STPG2: variants seen among roughly 807,000 people sequenced by gnomAD.
STPG2 encodes the protein sperm tail PG-rich repeat containing 2.
A neutral mutation model predicts 54.2 loss-of-function variants in STPG2; 56 were observed. The observed-to-expected ratio is 1.03, with a 90% CI of 0.83 to 1.29. The LOEUF (loss-of-function observed/expected upper bound fraction) is 1.29. Among genes scored for constraint, STPG2 ranks in the 50% most tolerant of loss-of-function variants. The probability of loss-of-function intolerance (pLI) is 0.00; values close to 1 mark genes in which losing one functional copy is unlikely to be tolerated. For missense variants in STPG2, 596 were observed against 544.9 expected (o/e 1.09, Z -0.93); for synonymous variants, 200 against 181.8 (o/e 1.10, Z -0.81).
chr4:97,598,076 A>G (rs989722709), intron 10 of STPG2, among the ~76,000 whole-genome samples: 2 of 152,162 alleles, frequency 1.3e-5, no homozygotes, highest in Non-Finnish European at 2.9e-5. Flanking sequence ...AATCAGTAGC[A>G]TTCTCATACA....
intron 4 of STPG2, among the ~76,000 whole-genome samples, chr4:97,477,660 T>TTTTTTTC (rs1730110262): frequency 6.6e-6 from 1 of 151,296 alleles, no homozygotes; most frequent in South Asian, 2.1e-4. Flanking sequence ...TTTTTTTTCT[T>TTTTTTTC]TTTGTATTTT....
At chr4:97,948,674 A>C (rs1298239050) in intron 7 of STPG2, among the ~76,000 whole-genome samples, 1 of 152,088 alleles carries the variant, frequency 6.6e-6, no homozygotes, top group Non-Finnish European at 1.5e-5. Context: ...TTAACACAAA[A>C]ATCATTCAGG....
intron 5 of STPG2, among the ~76,000 whole-genome samples, chr4:98,071,061 A>C (rs1414588314): frequency 6.7e-6 from 1 of 149,484 alleles, no homozygotes; most frequent in Non-Finnish European, 1.5e-5. Flanking sequence ...AATTAGAAGA[A>C]ACTATTTCAA....
rs191706791 is a variant in STPG2, at chr4:97,959,918, C to A, written c.933+12362G>T. On this transcript the variant is annotated intron_variant, in intron 7 of 10. Transcript: ENST00000295268. ...AAAAAAGAAAACTACAAATGGATAT[C>A]CCTGATGAACATAGATGTAAAAATC... is the stretch of plus-strand genomic sequence containing the variant. 3.6e-3 allele frequency among the ~76,000 whole-genome samples: 541 copies of A among 152,170 alleles called. 7 individuals carry two copies. The highest frequency in any genetic ancestry group is 6.7e-3 in the Non-Finnish European group (457 of 67,958).
chr4:97,998,553 T>G (rs748017500), intron 5 of STPG2, among the ~76,000 whole-genome samples: 3 of 152,202 alleles, frequency 2.0e-5, no homozygotes, highest in Non-Finnish European at 4.4e-5. Context: ...CCAGTAAGTT[T>G]GGAATCAGCA....
At chr4:97,864,309 C>CAAACAGAG (rs1729678008) in intron 8 of STPG2, among the ~76,000 whole-genome samples, 8 of 150,554 alleles carry the variant, frequency 5.3e-5, no homozygotes, top group Admixed American at 1.3e-4. Flanking sequence ...CAATAACAGA[C>CAAACAGAG]AGCCAAATCA....
At chr4:97,924,544 G>C (rs971590210) in intron 8 of STPG2, among the ~76,000 whole-genome samples, 1 of 152,132 alleles carries the variant, frequency 6.6e-6, no homozygotes, top group Non-Finnish European at 1.5e-5. Context: ...TGTAAATCCA[G>C]CATTAAAGAT....
intron 9 of STPG2, among the ~76,000 whole-genome samples, chr4:97,734,103 T>G (rs973098230): frequency 3.3e-5 from 5 of 152,214 alleles, no homozygotes; most frequent in African/African-American, 4.8e-5. Flanking sequence ...ATAAAAAGCT[T>G]TCAGCATTTC....
At chr4:97,546,695 A>C (rs1731841112) in intron 4 of STPG2, among the ~76,000 whole-genome samples, 1 of 152,204 alleles carries the variant, frequency 6.6e-6, no homozygotes, top group Admixed American at 6.5e-5. Context: ...TCATGAACCA[A>C]ATCTTATAAA....
At chr4:97,963,859 T>A (rs1334703301) in intron 7 of STPG2, among the ~76,000 whole-genome samples, 2 of 152,024 alleles carry the variant, frequency 1.3e-5, no homozygotes, top group East Asian at 1.9e-4. Flanking sequence ...TCTAAAAAAA[T>A]TAATTTAGAG....
At chr4:97,797,630 G>A (rs1727240893) in intron 9 of STPG2, among the ~76,000 whole-genome samples, 1 of 152,176 alleles carries the variant, frequency 6.6e-6, no homozygotes, top group Non-Finnish European at 1.5e-5. Flanking sequence ...GTTCATCAGG[G>A]ATATTGGTCT....
At chr4:97,685,101 G>A (rs896178995) in intron 10 of STPG2, among the ~76,000 whole-genome samples, 5 of 152,046 alleles carry the variant, frequency 3.3e-5, no homozygotes, top group African/African-American at 9.7e-5. Flanking sequence ...TGAATCAACA[G>A]GGATCCTTTC....
chr4:97,890,849 C>A (rs1280094929), intron 8 of STPG2, among the ~76,000 whole-genome samples: 1 of 151,590 alleles, frequency 6.6e-6, no homozygotes, highest in Admixed American at 6.6e-5. Context: ...AAACTTATGA[C>A]AAGATATGAA....
chr4:97,460,467 G>T (rs1177658740), intron 4 of STPG2, among the ~76,000 whole-genome samples: 1 of 150,270 alleles, frequency 6.7e-6, no homozygotes. Flanking sequence ...GGAGACTTTA[G>T]GTCTTCACTT....
At chr4:98,086,963 T>C (rs916045908) in intron 5 of STPG2, among the ~76,000 whole-genome samples, 1 of 152,210 alleles carries the variant, frequency 6.6e-6, no homozygotes, top group Non-Finnish European at 1.5e-5. Context: ...CAAAATAATA[T>C]CTGATATAGA....
intron 5 of STPG2, among the ~76,000 whole-genome samples, chr4:98,028,026 G>T (rs1387671027): frequency 6.6e-6 from 1 of 152,076 alleles, no homozygotes; most frequent in Non-Finnish European, 1.5e-5. Flanking sequence ...GATAATGCAG[G>T]TCTATTTTTG....
intron 9 of STPG2, among the ~76,000 whole-genome samples, chr4:97,810,427 G>A (rs1231059366): frequency 6.8e-6 from 1 of 146,642 alleles, no homozygotes; most frequent in East Asian, 2.0e-4. Context: ...TTGCACCACT[G>A]CACTTCAGCC....
Position 97,799,983 on chromosome 4 carries a change from A to C in STPG2, c.1204+40790T>G, listed in dbSNP as rs1560533582. On this transcript the variant is annotated intron_variant, in intron 9 of 10. Coordinates refer to ENST00000295268, the MANE Select transcript of STPG2 (RefSeq NM_174952.3). Reference sequence around the variant, plus strand: ...TTCCAATTGATCAAATCGGCTGCTGAAGCTTGTGAATTTGTCACGTAGTTC... The same window carrying C: ...TTCCAATTGATCAAATCGGCTGCTGCAGCTTGTGAATTTGTCACGTAGTTC... 2.0e-5 allele frequency among the ~76,000 whole-genome samples: 3 copies of C among 152,266 alleles called. No individual in the cohort carries two copies. In the South Asian group the frequency reaches 6.2e-4, roughly 32 times the overall value.
chr4:97,515,525 C>T (rs1196737820), intron 4 of STPG2, among the ~76,000 whole-genome samples: 1 of 151,806 alleles, frequency 6.6e-6, no homozygotes, highest in Non-Finnish European at 1.5e-5. Flanking sequence ...CCACTGTCTC[C>T]AGAGTAGTAA....
Sources: gnomAD v4.1 joint callset for allele counts (sites outside exome capture counted in the v4.1 genomes callset) on GRCh38, gnomAD v4.1.1 for gene constraint, MANE v1.5 for transcripts, NCBI Gene and HGNC (gene_info 2026-07-23, HGNC 2026-07-21) for gene names.